Variants in HUNK observed in about 807,000 individuals in gnomAD.
HUNK encodes hormonally up-regulated Neu-associated kinase, also known as hormonally up-regulated neu tumor-associated kinase.
In HUNK, 21 loss-of-function variants were observed where a neutral mutation model predicts 61.0. The ratio of observed to expected loss-of-function variants is 0.34; its 90% CI spans 0.24 to 0.50. The LOEUF (loss-of-function observed/expected upper bound fraction) is 0.50. Among genes scored for constraint, HUNK ranks in the 20% least tolerant of loss-of-function variants. HUNK has a pLI of 0.98. For synonymous variants in HUNK, 371 were observed against 386.1 expected (o/e 0.96, Z 0.46); for missense variants, 772 against 945.7 (o/e 0.82, Z 2.41).
chr21:31,892,775 A>T (rs1407385780), intron 1 of HUNK, among the ~76,000 whole-genome samples: 1 of 152,030 alleles, frequency 6.6e-6, no homozygotes, highest in Non-Finnish European at 1.5e-5. Context: ...GAAAAAGATG[A>T]TGGGGACGCC....
intron 1 of HUNK, among the ~76,000 whole-genome samples, chr21:31,882,514 C>T (rs564535209): frequency 7.2e-5 from 11 of 152,164 alleles, no homozygotes; most frequent in Admixed American, 3.9e-4. Context: ...TTTGTAAATG[C>T]GTAGTTAGGG....
At chr21:31,960,935 G>A (rs969430943) in intron 5 of HUNK, among the ~76,000 whole-genome samples, 3 of 152,150 alleles carry the variant, frequency 2.0e-5, no homozygotes, top group Non-Finnish European at 4.4e-5. Flanking sequence ...CATTGACCTT[G>A]TTCAGATTTC....
chr21:31,983,186 AT>A (rs1240975918), intron 7 of HUNK, among the ~76,000 whole-genome samples: 7 of 152,162 alleles, frequency 4.6e-5, no homozygotes, highest in African/African-American at 1.7e-4. Flanking sequence ...TTTCCAGCTC[AT>A]TTTCTTGGTT....
At chr21:31,921,457 G>C (rs932829143) in intron 1 of HUNK, among the ~76,000 whole-genome samples, 1 of 151,966 alleles carries the variant, frequency 6.6e-6, no homozygotes, top group Non-Finnish European at 1.5e-5. Flanking sequence ...GTGGGGGAAG[G>C]GGGTGGCTGG....
intron 10 of HUNK, 97 bp downstream of exon 10, chr21:31,996,045 G>GGAATCATCTCTGTTCT: frequency 1.1e-6 from 1 of 892,666 alleles, no homozygotes; most frequent in Non-Finnish European, 1.7e-6. Context: ...CCCTAGAGCA[G>GGAATCATCTCTGTTCT]AGATGATTCC....
At chr21:31,912,422 T>C (rs1054786471) in intron 1 of HUNK, among the ~76,000 whole-genome samples, 2 of 152,166 alleles carry the variant, frequency 1.3e-5, no homozygotes, top group African/African-American at 2.4e-5. Flanking sequence ...GGAAAACCTA[T>C]TGTAGCCTAG....
intron 4 of HUNK, among the ~76,000 whole-genome samples, chr21:31,949,895 A>T (rs948636569): frequency 1.3e-5 from 2 of 152,122 alleles, no homozygotes; most frequent in Admixed American, 6.5e-5. Context: ...AATGATCAGC[A>T]TGTATTGACT....
At chr21:31,948,104 C>T (rs996708744) in intron 4 of HUNK, among the ~76,000 whole-genome samples, 2 of 152,190 alleles carry the variant, frequency 1.3e-5, no homozygotes, top group Admixed American at 6.5e-5. Flanking sequence ...CGCCCAAGGT[C>T]ATAGAGCTGC....
intron 1 of HUNK, among the ~76,000 whole-genome samples, chr21:31,877,129 T>A (rs996150513): frequency 1.3e-5 from 2 of 152,184 alleles, no homozygotes; most frequent in African/African-American, 4.8e-5. Context: ...CACCCCAAGT[T>A]TGGCCTGCTT....
At chr21:31,969,999 G>T (rs1478227277) in intron 6 of HUNK, among the ~76,000 whole-genome samples, 1 of 152,146 alleles carries the variant, frequency 6.6e-6, no homozygotes, top group African/African-American at 2.4e-5. Context: ...CCAAGACTGG[G>T]ACCCACCTTC....
intron 4 of HUNK, among the ~76,000 whole-genome samples, chr21:31,949,765 G>A (rs564380553): frequency 6.0e-4 from 91 of 152,290 alleles, no homozygotes; most frequent in African/African-American, 1.8e-3. Context: ...TGGCAGCATC[G>A]GCTTCTGGTG....
chr21:31,892,268 T>C (rs2052396168), intron 1 of HUNK, among the ~76,000 whole-genome samples: 1 of 2,590 alleles, frequency 3.9e-4, no homozygotes, highest in African/African-American at 1.8e-3. Context: ...ATTATTGTGT[T>C]AGTCAAGAAA....
chr21:31,924,212 C>T lies in HUNK; in HGVS notation c.262-256C>T, dbSNP rs989256137. Among the ~76,000 whole-genome samples the T allele has an allele frequency of 1.3e-5, 2 of 151,980 alleles. No individual in the cohort carries two copies. Among genetic ancestry groups the T allele is most frequent in the Non-Finnish European group, 2.9e-5 (2 of 68,010 alleles). On this transcript the variant is annotated intron_variant, in intron 1 of 10. Transcript: ENST00000270112. The surrounding 1 kb of genome is among the most constrained non-coding windows in gnomAD (Gnocchi z 5.1). ...CCATTCAGGTTTTCTTAGGTAAATT[C>T]CATTGTCTTCCTTAATAATTGGACC... is the stretch of plus-strand genomic sequence containing the variant.
chr21:31,899,668 A>G lies in HUNK; in HGVS notation c.262-24800A>G, dbSNP rs192281750. ...AACTCGTTGCCTTTGCCACTGACCA[A>G]TCTGCCTCTTCTTCATTCCCTGCTA... is the stretch of plus-strand genomic sequence containing the variant. On this transcript the variant is annotated intron_variant, in intron 1 of 10. Coordinates refer to ENST00000270112, the MANE Select transcript of HUNK (RefSeq NM_014586.2). Among the ~76,000 whole-genome samples, 7 of 152,228 alleles carry G rather than the reference A, an allele frequency of 4.6e-5. No homozygotes were observed. The East Asian group carries it at 1.4e-3, about 29-fold the overall frequency.
chr21:31,880,748 C>T (rs2052300785), intron 1 of HUNK, among the ~76,000 whole-genome samples: 1 of 152,202 alleles, frequency 6.6e-6, no homozygotes, highest in African/African-American at 2.4e-5. Context: ...ATAGTTCAAG[C>T]TCCAGCACCT....
rs961013630 is a variant in HUNK, at chr21:32,003,787, G to A, written c.*4603G>A. Reference sequence around the variant, plus strand: ...GTTATCTCTAGGAGTTGACGTCTGTGGGCACTAAGGGACTGAGGTTGGGGG... The same window carrying A: ...GTTATCTCTAGGAGTTGACGTCTGTAGGCACTAAGGGACTGAGGTTGGGGG... On this transcript the variant is annotated 3_prime_UTR_variant, in exon 11 of 11. Transcript: ENST00000270112. The A allele has an allele frequency of 1.5e-4, 23 of 152,190 alleles. No individual in the cohort carries two copies. Among genetic ancestry groups the A allele is most frequent in the Non-Finnish European group, 2.9e-4 (20 of 68,056 alleles). The allele number at this position is 152,190 out of a possible 1,614,324, so 9.4% of individuals were successfully genotyped here.
intron 1 of HUNK, among the ~76,000 whole-genome samples, chr21:31,881,359 G>A (rs2052305912): frequency 6.6e-6 from 1 of 152,170 alleles, no homozygotes; most frequent in African/African-American, 2.4e-5. Context: ...AGGCGTGGTG[G>A]CTCACGCGTG....
intron 4 of HUNK, among the ~76,000 whole-genome samples, chr21:31,951,980 G>T (rs183415473): frequency 6.4e-4 from 98 of 152,264 alleles, no homozygotes; most frequent in African/African-American, 2.2e-3. Flanking sequence ...TTTTGAGAGA[G>T]AGGTTTCCCT....
intron 1 of HUNK, among the ~76,000 whole-genome samples, chr21:31,880,249 T>A (rs567370655): frequency 6.6e-6 from 1 of 152,274 alleles, no homozygotes; most frequent in East Asian, 1.9e-4. Flanking sequence ...CCTGCCTTGA[T>A]TACGTAGAAG....
Sources: gnomAD v4.1 joint callset for allele counts (sites outside exome capture counted in the v4.1 genomes callset) on GRCh38, gnomAD v4.1.1 for gene constraint, Gnocchi (gnomAD v3.1) non-coding constraint, MANE v1.5 for transcripts, NCBI Gene and HGNC (gene_info 2026-07-23, HGNC 2026-07-21) for gene names.